FAM20C: variants seen among roughly 807,000 people sequenced by gnomAD.
FAM20C encodes the protein extracellular serine/threonine protein kinase FAM20C.
FAM20C carries 40 observed loss-of-function variants against 51.5 expected under a neutral mutation model. That is an observed-to-expected ratio of 0.78 (90% CI 0.60 to 1.01). FAM20C has a LOEUF of 1.01. Ranked by LOEUF, FAM20C falls within the 50% of genes least tolerant of loss-of-function variation. FAM20C has a pLI of 0.00. For synonymous variants in FAM20C, 406 were observed against 380.6 expected (o/e 1.07, Z -0.78); for missense variants, 861 against 844.7 (o/e 1.02, Z -0.24).
At chr7:255,622 C>T (rs1461540824) in intron 5 of FAM20C, among the ~76,000 whole-genome samples, 3 of 152,170 alleles carry the variant, frequency 2.0e-5, no homozygotes, top group East Asian at 3.9e-4. Context: ...GGGTTCAGGC[C>T]GGGCTCTGCC....
At position 212,113 on chromosome 7, in the gene FAM20C, G is replaced by A. The variant is rs561163711; in HGVS notation, c.863+3137G>A. Among the ~76,000 whole-genome samples the A allele has an allele frequency of 1.8e-3, 271 of 152,328 alleles. 3 individuals carry two copies. The highest frequency in any genetic ancestry group is 5.6e-3 in the African/African-American group (232 of 41,584). ...TCCGCAGAGGCTGTGGTTTGCATACGAAAGCAGCTGTGGTTCATGACCATA... is the reference window on the plus strand; with the variant it reads ...TCCGCAGAGGCTGTGGTTTGCATACAAAAGCAGCTGTGGTTCATGACCATA... On this transcript the variant is annotated intron_variant, in intron 3 of 9. Transcript: ENST00000313766.
At chr7:218,755 C>G (rs1018261286) in intron 3 of FAM20C, among the ~76,000 whole-genome samples, 1 of 152,214 alleles carries the variant, frequency 6.6e-6, no homozygotes, top group African/African-American at 2.4e-5. Flanking sequence ...GGAGCTGACA[C>G]AGGCCCAGGA....
At position 217,180 on chromosome 7, in the gene FAM20C, G is replaced by C. The variant is rs528510577; in HGVS notation, c.863+8204G>C. ...ACAAACCTTTCCCAGGTGCCCTGGG[G>C]CTGCTGACCCCCCGAGGCCTGTGGG... On this transcript the variant is annotated intron_variant, in intron 3 of 9. Transcript: ENST00000313766. 6.6e-5 allele frequency among the ~76,000 whole-genome samples: 10 copies of C among 152,266 alleles called. No homozygotes were observed. In the East Asian group the frequency reaches 1.9e-3, roughly 29 times the overall value.
intron 5 of FAM20C, among the ~76,000 whole-genome samples, chr7:252,305 C>T (rs1337243826): frequency 2.1e-5 from 3 of 144,578 alleles, no homozygotes; most frequent in South Asian, 2.3e-4. Context: ...CTCGGCCTCC[C>T]GACCAAGGAT....
At chr7:246,808 A>G (rs532005257) in intron 4 of FAM20C, among the ~76,000 whole-genome samples, 14 of 152,156 alleles carry the variant, frequency 9.2e-5, no homozygotes, top group East Asian at 1.9e-4. Context: ...AGAGCCTTTC[A>G]TATCCCCCTT....
intron 3 of FAM20C, among the ~76,000 whole-genome samples, chr7:227,096 C>G (rs980235225): frequency 6.6e-6 from 1 of 151,840 alleles, no homozygotes; most frequent in Non-Finnish European, 1.5e-5. Flanking sequence ...AAAAGATTAC[C>G]CCATTTGTTG....
chr7:198,737 G>T (rs1409632035), intron 2 of FAM20C, among the ~76,000 whole-genome samples: 1 of 152,214 alleles, frequency 6.6e-6, no homozygotes, highest in African/African-American at 2.4e-5. Context: ...GCCTGACAGC[G>T]CACCTGCTGG....
At chr7:220,154 C>A (rs1044516533) in intron 3 of FAM20C, among the ~76,000 whole-genome samples, 1 of 152,234 alleles carries the variant, frequency 6.6e-6, no homozygotes, top group Non-Finnish European at 1.5e-5. Context: ...GGGACCCCCA[C>A]ATGCTGCCCT....
chr7:226,003 C>A (rs1309672964), intron 3 of FAM20C, among the ~76,000 whole-genome samples: 1 of 151,902 alleles, frequency 6.6e-6, no homozygotes, highest in African/African-American at 2.4e-5. Flanking sequence ...GTCCCCTGAG[C>A]CTTCTCTCAT....
At position 223,708 on chromosome 7, in the gene FAM20C, C is replaced by T. The variant is rs562879579; in HGVS notation, c.863+14732C>T. The stretch of plus-strand genomic sequence containing the variant: ...CAGGGAGGGGCCCTTACGCGGATGC[C>T]GCAGGTGGTCCCGGCATTGGCCTTG... On this transcript the variant is annotated intron_variant, in intron 3 of 9. Transcript: ENST00000313766. 1.4e-4 allele frequency among the ~76,000 whole-genome samples: 21 copies of T among 152,358 alleles called. 1 individual carries two copies. Among genetic ancestry groups the T allele is most frequent in the Non-Finnish European group, 2.4e-4 (16 of 68,024 alleles).
chr7:254,275 T>C (rs1447784610), intron 5 of FAM20C, among the ~76,000 whole-genome samples: 2 of 152,208 alleles, frequency 1.3e-5, no homozygotes, highest in Non-Finnish European at 2.9e-5. Context: ...CGAACCTGCC[T>C]TCTGATCCCA....
At position 255,990 on chromosome 7, in the gene FAM20C, A is replaced by G. The variant is rs1219523869; in HGVS notation, c.1214A>G (p.Asn405Ser). The stretch of plus-strand genomic sequence containing the variant: ...CTGGCCAAGAGGAAGACCTGGCGGA[A>G]CCCTTGGCGGCGTTCCTACCACAAG... ...LSLAKRKTWR[N>S]PWRRSYHKRK... The change falls in exon 6 of 10, where the codon AAC becomes AGC. Residue 405 changes from asparagine (N) to serine (S), a missense_variant. Physicochemically the swap from Asn to Ser is conservative, Grantham distance 46. Coordinates refer to ENST00000313766, the MANE Select transcript of FAM20C (RefSeq NM_020223.4). The G allele has an allele frequency of 6.5e-7, 1 of 1,535,864 alleles. No homozygotes were observed. The highest frequency in any genetic ancestry group is 8.7e-7 in the Non-Finnish European group (1 of 1,146,772).
chr7:256,727 G>A lies in FAM20C; in HGVS notation c.1327G>A (p.Asp443Asn), dbSNP rs1204236661. Residue 443 changes from aspartate (D) to asparagine (N), a missense_variant, in exon 7 of 10, where the codon GAC (aspartate) becomes AAC (asparagine). Coordinates refer to ENST00000313766, the MANE Select transcript of FAM20C (RefSeq NM_020223.4). ...CTACGACAGCAGCCACCGCATCCTG[G>A]ACGTCATGGACATGACGATCTTCGA... ...PPYDSSHRIL[D>N]VMDMTIFDFL... is the part of the protein sequence containing the mutation. 2.6e-6 allele frequency: 4 copies of A among 1,536,092 alleles called. No homozygotes were observed. In the African/African-American group the frequency reaches 5.5e-5, roughly 21 times the overall value.
intron 3 of FAM20C, chr7:246,131 C>T (rs1054046379): frequency 3.1e-6 from 1 of 321,378 alleles, no homozygotes; most frequent in Non-Finnish European, 5.9e-6. Context: ...GAGCTGGGAC[C>T]TCCGGCCTCC....
chr7:211,051 C>T (rs997017327), intron 3 of FAM20C, among the ~76,000 whole-genome samples: 5 of 151,976 alleles, frequency 3.3e-5, no homozygotes, highest in Non-Finnish European at 7.4e-5. Context: ...TAGAGACCCT[C>T]CTGGACCAGG....
chr7:202,920 T>A (rs957031987), intron 2 of FAM20C, among the ~76,000 whole-genome samples: 3 of 152,146 alleles, frequency 2.0e-5, no homozygotes, highest in African/African-American at 7.2e-5. Flanking sequence ...CAGATTTGCA[T>A]GATATGTTTT....
chr7:250,694 C>G (rs1788362483), intron 5 of FAM20C, among the ~76,000 whole-genome samples: 1 of 152,234 alleles, frequency 6.6e-6, no homozygotes, highest in Non-Finnish European at 1.5e-5. Flanking sequence ...CCACCGCCTC[C>G]TGCCCCACCG....
intron 5 of FAM20C, among the ~76,000 whole-genome samples, chr7:254,175 C>T (rs1227923128): frequency 2.0e-5 from 3 of 152,318 alleles, no homozygotes; most frequent in South Asian, 2.1e-4. Context: ...GCACCCACCC[C>T]GTTTCCTCTC....
chr7:235,705 G>T (rs1024710194), intron 3 of FAM20C, among the ~76,000 whole-genome samples: 33 of 152,306 alleles, frequency 2.2e-4, no homozygotes, highest in African/African-American at 7.5e-4. Context: ...TCAGCTTGCT[G>T]CTGGGAGGGA....
Sources: gnomAD v4.1 joint callset for allele counts (sites outside exome capture counted in the v4.1 genomes callset) on GRCh38, gnomAD v4.1.1 for gene constraint, MANE v1.5 for transcripts, NCBI Gene and HGNC (gene_info 2026-07-23, HGNC 2026-07-21) for gene names.